KIFC1: variants seen among roughly 807,000 people sequenced by gnomAD.
The protein encoded by KIFC1 is kinesin-like protein KIFC1.
A neutral mutation model predicts 66.6 loss-of-function variants in KIFC1; 37 were observed. The ratio of observed to expected loss-of-function variants is 0.56; its 90% CI spans 0.43 to 0.73. KIFC1 has a LOEUF of 0.73. Among genes scored for constraint, KIFC1 ranks in the 30% least tolerant of loss-of-function variants. The pLI, the probability that KIFC1 is intolerant of heterozygous loss-of-function variation, is 0.00. For missense variants in KIFC1, 721 were observed against 859.8 expected, an observed-to-expected ratio of 0.84 and a Z score of 2.02; for synonymous variants, 325 against 343.5, an observed-to-expected ratio of 0.95 and a Z score of 0.60.
Position 33,398,270 on chromosome 6 carries a change from G to A in KIFC1, c.151-18G>A. ...ATTAGGGAGGGTGACTATGGACCTT[G>A]TCTTTATCTTTCCCCAGAAACGGAC... On this transcript the variant is annotated intron_variant, in intron 2 of 10. Coordinates refer to ENST00000428849, the MANE Select transcript of KIFC1 (RefSeq NM_002263.4). 6.2e-7 allele frequency: 1 copy of A among 1,613,906 alleles called. No individual in the cohort carries two copies. The highest frequency in any genetic ancestry group is 8.5e-7 in the Non-Finnish European group (1 of 1,179,916).
chr6:33,406,899 T>C lies in KIFC1; in HGVS notation c.1977+24T>C, dbSNP rs1165235766. ...AGGTGCGATTACCACCCGTCAGCCT[T>C]GTCAGGACCCGTGGGTGGTTGTAGG... On this transcript the variant is annotated intron_variant, in intron 10 of 10. Coordinates refer to ENST00000428849, the MANE Select transcript of KIFC1 (RefSeq NM_002263.4). This position sits in a 1 kb window ranked among gnomAD's most constrained non-coding sequence, Gnocchi z 4.5. 3 of 1,614,080 alleles carry C rather than the reference T, an allele frequency of 1.9e-6. No homozygotes were observed. The highest frequency in any genetic ancestry group is 3.3e-5 in the Admixed American group (2 of 60,008).
At chr6:33,396,558 T>C (rs1385765903) in intron 1 of KIFC1, among the ~76,000 whole-genome samples, 1 of 147,726 alleles carries the variant, frequency 6.8e-6, no homozygotes, top group East Asian at 2.1e-4. Context: ...TCCTCCCACC[T>C]CAGCCTCCCT....
chr6:33,396,435 T>C (rs1186877693), intron 1 of KIFC1, among the ~76,000 whole-genome samples: 2 of 126,074 alleles, frequency 1.6e-5, no homozygotes, highest in Non-Finnish European at 3.2e-5. Context: ...TCTTTTCTTT[T>C]CTTTTTTTTT....
chr6:33,409,720 T>G lies in KIFC1; in HGVS notation c.*30T>G. 8.0e-7 allele frequency: 1 copy of G among 1,243,958 alleles called. No homozygotes were observed. The highest frequency in any genetic ancestry group is 1.1e-6 in the Non-Finnish European group (1 of 893,732). The allele number at this position is 1,243,958 out of a possible 1,614,324, so 77.1% of individuals were successfully genotyped here. Reference sequence around the variant, plus strand: ...GGATCCAGATCTGTGTGTGTGTGTGTGTGTGTGTGTGTGTGTGTGTGTGTG... The same window carrying G: ...GGATCCAGATCTGTGTGTGTGTGTGGGTGTGTGTGTGTGTGTGTGTGTGTG... On this transcript the variant is annotated 3_prime_UTR_variant, in exon 11 of 11. Coordinates refer to ENST00000428849, the MANE Select transcript of KIFC1 (RefSeq NM_002263.4).
At chr6:33,395,373 G>A (rs1461033009) in intron 1 of KIFC1, among the ~76,000 whole-genome samples, 1 of 152,162 alleles carries the variant, frequency 6.6e-6, no homozygotes, top group Admixed American at 6.6e-5. Context: ...GATTGCTGGA[G>A]GAATGTTCCT....
chr6:33,398,297 A>G lies in KIFC1; in HGVS notation c.160A>G (p.Arg54Gly), dbSNP rs1195019181. The G allele has an allele frequency of 1.9e-6, 3 of 1,613,950 alleles. No homozygotes were observed. The highest frequency in any genetic ancestry group is 1.3e-5 in the African/African-American group (1 of 74,864). Residue 54 changes from arginine (R) to glycine (G), a missense_variant, in exon 3 of 11, where the codon AGA becomes GGA. Physicochemically the swap from Arg to Gly is moderately radical, Grantham distance 125 (BLOSUM62 -2). Transcript: ENST00000428849. ...DGLEPEKKRT[R>G]GLGATTKITT... is the part of the protein sequence containing the mutation. ...CTTTATCTTTCCCCAGAAACGGACA[A>G]GAGGCCTGGGTGCAACGACCAAAAT... is the stretch of plus-strand genomic sequence containing the variant.
rs2151090861 is a variant in KIFC1 at position 33,403,999 on chromosome 6, T to TG, written c.627dup (p.Arg210AlafsTer76). The TG allele has an allele frequency of 1.9e-6, 3 of 1,614,162 alleles. No homozygotes were observed. Among genetic ancestry groups the TG allele is most frequent in the Non-Finnish European group, 2.5e-6 (3 of 1,180,020 alleles). ...CAGGGCCAACAGGAGCTGAAGAACTTGCGTGCTTGTGTCCTGGAGCTGGAA... is the reference window on the plus strand; with the variant it reads ...CAGGGCCAACAGGAGCTGAAGAACTTGGCGTGCTTGTGTCCTGGAGCTGGAA... On this transcript the variant is annotated frameshift_variant, in exon 6 of 11. Coordinates refer to ENST00000428849, the MANE Select transcript of KIFC1 (RefSeq NM_002263.4). LOFTEE classifies it high-confidence loss of function. The surrounding 1 kb of genome is among the most constrained non-coding windows in gnomAD (Gnocchi z 4.6).
rs3066474 is a variant in KIFC1 at position 33,409,705 on chromosome 6, C to CTGTGTGTGTGTGTGTG, written c.*49_*64dup. The CTGTGTGTGTGTGTGTG allele has an allele frequency of 2.0e-4, 250 of 1,264,380 alleles. 2 individuals carry two copies. Among genetic ancestry groups the CTGTGTGTGTGTGTGTG allele is most frequent in the East Asian group, 1.3e-3 (53 of 39,708 alleles). The allele number at this position is 1,264,380 out of a possible 1,614,324, so 78.3% of individuals were successfully genotyped here. On this transcript the variant is annotated 3_prime_UTR_variant, in exon 11 of 11. Transcript: ENST00000428849. ...ACAGGAAGTGAAGACGGATCCAGATCTGTGTGTGTGTGTGTGTGTGTGTGT... is the reference window on the plus strand; with the variant it reads ...ACAGGAAGTGAAGACGGATCCAGATCTGTGTGTGTGTGTGTGTGTGTGTGTGTGTGTGTGTGTGTGT...
chr6:33,392,789 A>G (rs1043265017), intron 1 of KIFC1, among the ~76,000 whole-genome samples: 2 of 152,212 alleles, frequency 1.3e-5, no homozygotes, highest in African/African-American at 4.8e-5. Context: ...CAGAGAGCAG[A>G]GTAGTATTAT....
In KIFC1 at chr6:33,400,227, G is replaced by T. The variant is rs762780312; in HGVS notation, c.250+1840G>T. On this transcript the variant is annotated intron_variant, in intron 3 of 10. Transcript: ENST00000428849. The surrounding 1 kb of genome is among the most constrained non-coding windows in gnomAD (Gnocchi z 4.3). ...GGTGCCGCATCTGTCGAGCAATGTT[G>T]ACGATCTCATCAAAAGTGATATTCC... The T allele has an allele frequency of 1.0e-5, 16 of 1,564,920 alleles. No individual in the cohort carries two copies. Among genetic ancestry groups the T allele is most frequent in the Non-Finnish European group, 1.4e-5 (16 of 1,151,126 alleles).
At chr6:33,393,054 A>G (rs1194153316) in intron 1 of KIFC1, among the ~76,000 whole-genome samples, 4 of 152,186 alleles carry the variant, frequency 2.6e-5, no homozygotes, top group Non-Finnish European at 4.4e-5. Context: ...GGGGAGGCCA[A>G]CTGGCGGGTT....
At chr6:33,393,227 G>A (rs1378979018) in intron 1 of KIFC1, among the ~76,000 whole-genome samples, 1 of 152,120 alleles carries the variant, frequency 6.6e-6, no homozygotes, top group Non-Finnish European at 1.5e-5. Flanking sequence ...AAGGAGGGAA[G>A]TGTGGCTGGA....
rs1367553639 is a variant in KIFC1, at chr6:33,400,347, C to T, written c.250+1960C>T. On this transcript the variant is annotated intron_variant, in intron 3 of 10. Transcript: ENST00000428849. This position sits in a 1 kb window ranked among gnomAD's most constrained non-coding sequence, Gnocchi z 4.3. Reference sequence around the variant, plus strand: ...CAGAGGCAGAAGGCACCACCTCAATCTGGGCCTGTCTGTTCTCAATGGTCA... The same window carrying T: ...CAGAGGCAGAAGGCACCACCTCAATTTGGGCCTGTCTGTTCTCAATGGTCA... 6.3e-7 allele frequency: 1 copy of T among 1,590,670 alleles called. No individual in the cohort carries two copies. The highest frequency in any genetic ancestry group is 8.5e-7 in the Non-Finnish European group (1 of 1,170,830).
At chr6:33,399,356 C>A (rs391500) in intron 3 of KIFC1, among the ~76,000 whole-genome samples, 36,127 of 151,340 alleles carry the variant, frequency 0.24, 5,560 homozygotes, top group South Asian at 0.34. Flanking sequence ...GCCAGCCTGG[C>A]GACAGAGCGA....
Position 33,406,517 on chromosome 6 carries a change from C to T in KIFC1, c.1827+31C>T, listed in dbSNP as rs376362736. On this transcript the variant is annotated intron_variant, in intron 8 of 10. Coordinates refer to ENST00000428849, the MANE Select transcript of KIFC1 (RefSeq NM_002263.4). This position sits in a 1 kb window ranked among gnomAD's most constrained non-coding sequence, Gnocchi z 4.5. ...AATGGGAGTGGGGTGAGATACGGGA[C>T]CTGGGGGACAGTTGGGGTTGGCTGT... 1.2e-5 allele frequency: 19 copies of T among 1,609,096 alleles called. No homozygotes were observed. The African/African-American group carries it at 1.5e-4, about 12-fold the overall frequency.
intron 3 of KIFC1, among the ~76,000 whole-genome samples, chr6:33,402,179 T>C (rs1775406362): frequency 6.6e-6 from 1 of 152,234 alleles, no homozygotes; most frequent in African/African-American, 2.4e-5. Context: ...ATATGTGTTA[T>C]ACTTTTATAC....
chr6:33,408,250 T>C (rs996586522), intron 10 of KIFC1, among the ~76,000 whole-genome samples: 7 of 152,232 alleles, frequency 4.6e-5, no homozygotes, highest in African/African-American at 1.7e-4. Flanking sequence ...ATGTCTCAAG[T>C]TCCACAACCC....
Position 33,406,762 on chromosome 6 carries a change from C to T in KIFC1, c.1902-38C>T. ...TGGAGACCTGTCCAGGCTCTGCTGGCCCCTAATGCTGGGGTTGGGCACATT... is the reference window on the plus strand; with the variant it reads ...TGGAGACCTGTCCAGGCTCTGCTGGTCCCTAATGCTGGGGTTGGGCACATT... On this transcript the variant is annotated intron_variant, in intron 9 of 10. Coordinates refer to ENST00000428849, the MANE Select transcript of KIFC1 (RefSeq NM_002263.4). This position sits in a 1 kb window ranked among gnomAD's most constrained non-coding sequence, Gnocchi z 4.5. 1 of 1,612,780 alleles carries T rather than the reference C, an allele frequency of 6.2e-7. No individual in the cohort carries two copies. Among genetic ancestry groups the T allele is most frequent in the African/African-American group, 1.3e-5 (1 of 74,990 alleles).
In KIFC1 at chr6:33,404,885, A is replaced by G. The variant is rs769254419; in HGVS notation, c.790A>G (p.Ser264Gly). 1 of 1,613,036 alleles carries G rather than the reference A, an allele frequency of 6.2e-7. No individual in the cohort carries two copies. Among genetic ancestry groups the G allele is most frequent in the African/African-American group, 1.3e-5 (1 of 74,872 alleles). ...RLQTSEAALS[S>G]SQAEVASLRQ... The stretch of plus-strand genomic sequence containing the variant: ...GCAGACATCAGAAGCAGCCCTGTCA[A>G]GCAGCCAAGCAGAGGTGGCATCTCT... The change falls in exon 7 of 11, where the codon AGC becomes GGC. Residue 264 changes from serine (S) to glycine (G), a missense_variant. Physicochemically the swap from Ser to Gly is moderately conservative, Grantham distance 56. Transcript: ENST00000428849. This position sits in a 1 kb window ranked among gnomAD's most constrained non-coding sequence, Gnocchi z 4.0.
Sources: gnomAD v4.1 joint callset for allele counts (sites outside exome capture counted in the v4.1 genomes callset) on GRCh38, gnomAD v4.1.1 for gene constraint, Gnocchi (gnomAD v3.1) non-coding constraint, MANE v1.5 for transcripts, NCBI Gene and HGNC (gene_info 2026-07-23, HGNC 2026-07-21) for gene names.